Variants in HES1 observed in about 807,000 individuals in gnomAD.
HES1 encodes the protein transcription factor HES-1.
In HES1, 7 loss-of-function variants were observed where a neutral mutation model predicts 21.0. That is an observed-to-expected ratio of 0.33 (90% CI 0.19 to 0.63). The LOEUF (loss-of-function observed/expected upper bound fraction) is 0.63. Ranked by LOEUF, HES1 falls within the 20% of genes least tolerant of loss-of-function variation. HES1 has a pLI of 0.78. For missense variants in HES1, 338 were observed against 389.8 expected (o/e 0.87, Z 1.12); for synonymous variants, 169 against 171.2 (o/e 0.99, Z 0.10).
chr3:194,136,336 C>T lies in HES1; in HGVS notation c.-45C>T. On this transcript the variant is annotated 5_prime_UTR_variant, in exon 1 of 4. Transcript: ENST00000232424. ...AAAAAATTCTTTTTCGTGAAGAACT[C>T]CAAAAATAAAATTCTCTAGAGATAA... is the stretch of plus-strand genomic sequence containing the variant. The T allele has an allele frequency of 1.6e-6, 2 of 1,222,510 alleles. No homozygotes were observed. The highest frequency in any genetic ancestry group is 2.3e-6 in the Non-Finnish European group (2 of 886,532). The allele number at this position is 1,222,510 out of a possible 1,614,324, so 75.7% of individuals were successfully genotyped here.
In HES1 at chr3:194,137,504, C is replaced by A. The variant is rs985104892; in HGVS notation, c.293-179C>A. 5.9e-5 allele frequency among the ~76,000 whole-genome samples: 9 copies of A among 152,322 alleles called. No individual in the cohort carries two copies. Among genetic ancestry groups the A allele is most frequent in the African/African-American group, 1.9e-4 (8 of 41,570 alleles). The stretch of plus-strand genomic sequence containing the variant: ...CGGGAAGGAGTGGCTCGGCTTTTGG[C>A]AGCAACGCTAGTGTGGAGAGGTGGC... On this transcript the variant is annotated intron_variant, in intron 3 of 3. Transcript: ENST00000232424. This position sits in a 1 kb window ranked among gnomAD's most constrained non-coding sequence, Gnocchi z 5.4.
Position 194,136,364 on chromosome 3 carries a change from A to C in HES1, c.-17A>C, listed in dbSNP as rs1715336076. ...AAAATAAAATTCTCTAGAGATAAAA[A>C]AAAAAAAAAAAGGAAAATGCCAGCT... On this transcript the variant is annotated 5_prime_UTR_variant, in exon 1 of 4. Transcript: ENST00000232424. The C allele has an allele frequency of 1.7e-5, 25 of 1,483,710 alleles. No homozygotes were observed. The highest frequency in any genetic ancestry group is 2.1e-5 in the Non-Finnish European group (23 of 1,099,262). 91.9% of individuals were successfully genotyped at this position (1,483,710 alleles called of 1,614,324 possible).
chr3:194,136,557 TCTTGAAA>T, intron 1 of HES1, 53 bp from the exon 2 acceptor site: 1 of 1,566,746 alleles, frequency 6.4e-7, no homozygotes, highest in Non-Finnish European at 8.7e-7. Flanking sequence ...CTTCTTTCTG[TCTTGAAA>T]CCCCGGGATG....
Position 194,137,661 on chromosome 3 carries a change from T to C in HES1, c.293-22T>C, listed in dbSNP as rs778939220. 6.4e-6 allele frequency: 10 copies of C among 1,555,808 alleles called. No individual in the cohort carries two copies. In the Admixed American group the frequency reaches 1.4e-4, roughly 22 times the overall value. On this transcript the variant is annotated intron_variant, in intron 3 of 3. Coordinates refer to ENST00000232424, the MANE Select transcript of HES1 (RefSeq NM_005524.4). This position sits in a 1 kb window ranked among gnomAD's most constrained non-coding sequence, Gnocchi z 5.4. ...GGGGCCAGGGCCGTTCGGTGACCCG[T>C]CTGTCTCTTTCTGGCCCGCAGCTGC...
rs751170908 is a variant in HES1, at chr3:194,138,266, C to T, written c.*33C>T. On this transcript the variant is annotated 3_prime_UTR_variant, in exon 4 of 4. Transcript: ENST00000232424. Reference sequence around the variant, plus strand: ...CAGGCCACCCCTCCTCCTAAACTCCCCAACCCACCTCTCTTCCCTCCGGAC... The same window carrying T: ...CAGGCCACCCCTCCTCCTAAACTCCTCAACCCACCTCTCTTCCCTCCGGAC... 13 of 1,500,494 alleles carry T rather than the reference C, an allele frequency of 8.7e-6. No homozygotes were observed. The Admixed American group carries it at 2.4e-4, about 28-fold the overall frequency. The allele number at this position is 1,500,494 out of a possible 1,614,324, so 92.9% of individuals were successfully genotyped here. A position where few individuals can be genotyped will look rare whatever the true frequency, so the allele number is the denominator to read the frequency against.
At position 194,137,149 on chromosome 3, in the gene HES1, A is replaced by G; in HGVS notation, c.292+101A>G. The G allele has an allele frequency of 1.0e-6, 1 of 958,422 alleles. No homozygotes were observed. Among genetic ancestry groups the G allele is most frequent in the Admixed American group, 1.8e-5 (1 of 55,270 alleles). 59.4% of individuals were successfully genotyped at this position (958,422 alleles called of 1,614,324 possible). On this transcript the variant is annotated intron_variant, in intron 3 of 3. Coordinates refer to ENST00000232424, the MANE Select transcript of HES1 (RefSeq NM_005524.4). This position sits in a 1 kb window ranked among gnomAD's most constrained non-coding sequence, Gnocchi z 5.4. ...GTGGTTGTGAGAGGCATTCAGCTAC[A>G]TTTTACTGCCTTGGCTCACTCTTGC...
rs1715329969 is a variant in HES1, at chr3:194,136,174, A to G, written c.-207A>G. 1 of 524,014 alleles carries G rather than the reference A, an allele frequency of 1.9e-6. No homozygotes were observed. Among genetic ancestry groups the G allele is most frequent in the Non-Finnish European group, 3.4e-6 (1 of 292,804 alleles). The allele number at this position is 524,014 out of a possible 1,614,324, so 32.5% of individuals were successfully genotyped here. A position where few individuals can be genotyped will look rare whatever the true frequency, so the allele number is the denominator to read the frequency against. ...CACAGGATCCGGAGCTGGTGCTGAT[A>G]ACAGCGGAATCCCCCGTCTACCTCT... On this transcript the variant is annotated 5_prime_UTR_variant, in exon 1 of 4. The change creates a new upstream start codon in the 5' untranslated region. Coordinates refer to ENST00000232424, the MANE Select transcript of HES1 (RefSeq NM_005524.4).
At position 194,136,962 on chromosome 3, in the gene HES1, G is replaced by A; in HGVS notation, c.206G>A (p.Ser69Asn). ...TLILDALKKDSSRHSKLEKAD... is the reference protein window; with the variant it reads ...TLILDALKKDNSRHSKLEKAD... ...TCCTTTCTTGCCTACTCTATGCAGA[G>A]CTCGCGGCATTCCAAGCTGGAGAAG... The change falls in exon 3 of 4, where the codon AGC (serine) becomes AAC (asparagine). Residue 69 changes from serine to asparagine, a missense_variant and splice_region_variant. Transcript: ENST00000232424. 6.2e-7 allele frequency: 1 copy of A among 1,614,164 alleles called. No individual in the cohort carries two copies. The highest frequency in any genetic ancestry group is 1.1e-5 in the South Asian group (1 of 91,090).
Position 194,137,914 on chromosome 3 carries a change from GC to G in HES1, c.529del (p.Gln177SerfsTer139). ...APPPPPPGPG[G>X]PQHAPFAPPP... Reference sequence around the variant, plus strand: ...CCACCGCCCCCACCGGGACCCGGCGGCCCCCAGCACGCGCCGTTCGCGCCGC... The same window carrying G: ...CCACCGCCCCCACCGGGACCCGGCGGCCCCAGCACGCGCCGTTCGCGCCGC... On this transcript the variant is annotated frameshift_variant, in exon 4 of 4. Coordinates refer to ENST00000232424, the MANE Select transcript of HES1 (RefSeq NM_005524.4). LOFTEE classifies it high-confidence loss of function. This position sits in a 1 kb window ranked among gnomAD's most constrained non-coding sequence, Gnocchi z 5.4. The G allele has an allele frequency of 7.1e-7, 1 of 1,411,638 alleles. No homozygotes were observed. Among genetic ancestry groups the G allele is most frequent in the Non-Finnish European group, 9.3e-7 (1 of 1,075,722 alleles). 87.4% of individuals were successfully genotyped at this position (1,411,638 alleles called of 1,614,324 possible).
In HES1 at chr3:194,138,115, G is replaced by C. The variant is rs757882940; in HGVS notation, c.725G>C (p.Gly242Ala). 2.5e-6 allele frequency: 4 copies of C among 1,612,450 alleles called. No homozygotes were observed. The East Asian group carries it at 8.9e-5, about 36-fold the overall frequency. The change falls in exon 4 of 4, where the codon GGC (glycine) becomes GCC (alanine). Residue 242 changes from glycine to alanine, a missense_variant. Transcript: ENST00000232424. ...LIPNGAFAHS[G>A]PVIPVYTSNS... ...CCCAACGGGGCCTTCGCGCACAGCGGCCCTGTCATCCCCGTCTACACCAGC... is the reference window on the plus strand; with the variant it reads ...CCCAACGGGGCCTTCGCGCACAGCGCCCCTGTCATCCCCGTCTACACCAGC...
Position 194,137,257 on chromosome 3 carries a change from C to G in HES1, c.292+209C>G. 1.6e-6 allele frequency: 1 copy of G among 617,236 alleles called. No individual in the cohort carries two copies. The highest frequency in any genetic ancestry group is 2.9e-6 in the Non-Finnish European group (1 of 349,870). The allele number at this position is 617,236 out of a possible 1,614,324, so 38.2% of individuals were successfully genotyped here. A position where few individuals can be genotyped will look rare whatever the true frequency, so the allele number is the denominator to read the frequency against. On this transcript the variant is annotated intron_variant, in intron 3 of 3. Transcript: ENST00000232424. The surrounding 1 kb of genome is among the most constrained non-coding windows in gnomAD (Gnocchi z 5.4). ...AAGGGAGGGAAAGAGGTTGCAGCCGCGAGGGTGGCGGGCGCCGGGTAGGGG... is the reference window on the plus strand; with the variant it reads ...AAGGGAGGGAAAGAGGTTGCAGCCGGGAGGGTGGCGGGCGCCGGGTAGGGG...
intron 2 of HES1, 39 bp from the exon 3 acceptor site, chr3:194,136,922 A>T (rs1471278436): frequency 6.3e-7 from 1 of 1,587,980 alleles, no homozygotes; most frequent in Non-Finnish European, 8.7e-7. Flanking sequence ...GAAGCAGCTG[A>T]CACGGGGCTC....
At position 194,137,277 on chromosome 3, in the gene HES1, T is replaced by A; in HGVS notation, c.292+229T>A. ...AGCCGCGAGGGTGGCGGGCGCCGGG[T>A]AGGGGCGAAAGGACTTAGGACTGTG... On this transcript the variant is annotated intron_variant, in intron 3 of 3. Transcript: ENST00000232424. The surrounding 1 kb of genome is among the most constrained non-coding windows in gnomAD (Gnocchi z 5.4). 1.6e-6 allele frequency: 1 copy of A among 606,142 alleles called. No individual in the cohort carries two copies. Among genetic ancestry groups the A allele is most frequent in the Non-Finnish European group, 2.9e-6 (1 of 341,790 alleles). The allele number at this position is 606,142 out of a possible 1,614,324, so 37.5% of individuals were successfully genotyped here.
In HES1 at chr3:194,137,725, C is replaced by T. The variant is rs772939826; in HGVS notation, c.335C>T (p.Ala112Val). 6 of 1,613,326 alleles carry T rather than the reference C, an allele frequency of 3.7e-6. No individual in the cohort carries two copies. Among genetic ancestry groups the T allele is most frequent in the South Asian group, 1.1e-5 (1 of 90,932 alleles). ...TDPSVLGKYR[A>V]GFSECMNEVT... ...CCAAGTGTGCTGGGGAAGTACCGAG[C>T]CGGCTTCAGCGAGTGCATGAACGAG... The change falls in exon 4 of 4, where the codon GCC (alanine) becomes GTC (valine). Residue 112 changes from alanine to valine, a missense_variant. Transcript: ENST00000232424. The surrounding 1 kb of genome is among the most constrained non-coding windows in gnomAD (Gnocchi z 5.4).
In HES1 at chr3:194,137,888, GCCACCGCCCCCA is replaced by G. The variant is rs1375394796; in HGVS notation, c.501_512del (p.Pro168_Pro171del). On this transcript the variant is annotated inframe_deletion, in exon 4 of 4. Transcript: ENST00000232424. The surrounding 1 kb of genome is among the most constrained non-coding windows in gnomAD (Gnocchi z 5.4). ...AGCCGCACCCCGCCTTGCAGGCGCC[GCCACCGCCCCCA>G]CCGGGACCCGGCGGCCCCCAGCACG... The G allele has an allele frequency of 6.7e-7, 1 of 1,487,418 alleles. No homozygotes were observed. Among genetic ancestry groups the G allele is most frequent in the Non-Finnish European group, 9.0e-7 (1 of 1,111,418 alleles). The allele number at this position is 1,487,418 out of a possible 1,614,324, so 92.1% of individuals were successfully genotyped here.
chr3:194,137,226 TC>T lies in HES1; in HGVS notation c.292+180del. ...AGCCACAACTCCAAGTTGTTACTGT[TC>T]CGGAAAGGGAGGGAAAGAGGTTGCA... On this transcript the variant is annotated intron_variant, in intron 3 of 3. Transcript: ENST00000232424. The surrounding 1 kb of genome is among the most constrained non-coding windows in gnomAD (Gnocchi z 5.4). 2 of 647,340 alleles carry T rather than the reference TC, an allele frequency of 3.1e-6. No individual in the cohort carries two copies. The highest frequency in any genetic ancestry group is 5.5e-6 in the Non-Finnish European group (2 of 366,778). The allele number at this position is 647,340 out of a possible 1,614,324, so 40.1% of individuals were successfully genotyped here. A position where few individuals can be genotyped will look rare whatever the true frequency, so the allele number is the denominator to read the frequency against.
rs749842469 is a variant in HES1, at chr3:194,136,608, T to TA, written c.109-8dup. ...CATGGGAACACAGAACTCTTTTTTTTATTTGCAGTCATCAAAGCCTATTAT... is the reference window on the plus strand; with the variant it reads ...CATGGGAACACAGAACTCTTTTTTTTAATTTGCAGTCATCAAAGCCTATTAT... On this transcript the variant is annotated splice_polypyrimidine_tract_variant and intron_variant, in intron 1 of 3. Transcript: ENST00000232424. 3 of 1,602,010 alleles carry TA rather than the reference T, an allele frequency of 1.9e-6. No individual in the cohort carries two copies. Among genetic ancestry groups the TA allele is most frequent in the South Asian group, 2.2e-5 (2 of 89,300 alleles).
At position 194,137,356 on chromosome 3, in the gene HES1, T is replaced by A; in HGVS notation, c.292+308T>A. On this transcript the variant is annotated intron_variant, in intron 3 of 3. Transcript: ENST00000232424. The surrounding 1 kb of genome is among the most constrained non-coding windows in gnomAD (Gnocchi z 5.4). The stretch of plus-strand genomic sequence containing the variant: ...GTCACTGGTTTAGCACTCCTTCCCG[T>A]TGCAGAAGGGGAAATGAGGCTTGGA... The A allele has an allele frequency of 1.8e-6, 1 of 568,214 alleles. No homozygotes were observed. The highest frequency in any genetic ancestry group is 3.1e-6 in the Non-Finnish European group (1 of 318,064). The allele number at this position is 568,214 out of a possible 1,614,324, so 35.2% of individuals were successfully genotyped here.
Position 194,137,800 on chromosome 3 carries a change from C to T in HES1, c.410C>T (p.Thr137Ile), listed in dbSNP as rs1183866678. Residue 137 changes from threonine to isoleucine, a missense_variant, in exon 4 of 4, where the codon ACT (threonine) becomes ATT (isoleucine). Transcript: ENST00000232424. This position sits in a 1 kb window ranked among gnomAD's most constrained non-coding sequence, Gnocchi z 5.4. ...TCEGVNTEVRTRLLGHLANCM... is the reference protein window; with the variant it reads ...TCEGVNTEVRIRLLGHLANCM... ...GAGGGCGTTAATACCGAGGTGCGCA[C>T]TCGGCTGCTCGGCCACCTGGCCAAC... 12 of 1,613,530 alleles carry T rather than the reference C, an allele frequency of 7.4e-6. No individual in the cohort carries two copies. Among genetic ancestry groups the T allele is most frequent in the Non-Finnish European group, 1.0e-5 (12 of 1,179,914 alleles).
Sources: gnomAD v4.1 joint callset for allele counts (sites outside exome capture counted in the v4.1 genomes callset) on GRCh38, gnomAD v4.1.1 for gene constraint, Gnocchi (gnomAD v3.1) non-coding constraint, MANE v1.5 for transcripts, NCBI Gene and HGNC (gene_info 2026-07-23, HGNC 2026-07-21) for gene names.